PLA2G4A: variants seen among roughly 807,000 people sequenced by gnomAD.
The protein encoded by PLA2G4A is cytosolic phospholipase A2.
PLA2G4A carries 40 observed loss-of-function variants against 81.9 expected under a neutral mutation model. The ratio of observed to expected loss-of-function variants is 0.49; its 90% CI spans 0.38 to 0.64. The LOEUF is 0.64. PLA2G4A is among the 30% of genes least tolerant of loss of function. PLA2G4A has a pLI of 0.00. For synonymous variants in PLA2G4A, 302 were observed against 296.9 expected, an observed-to-expected ratio of 1.02 and a Z score of -0.18; for missense variants, 715 against 905.1, an observed-to-expected ratio of 0.79 and a Z score of 2.69.
chr1:186,918,701 C>T (rs534410035), intron 7 of PLA2G4A, among the ~76,000 whole-genome samples: 6 of 152,346 alleles, frequency 3.9e-5, no homozygotes, highest in East Asian at 3.9e-4. Flanking sequence ...CAGTTATGCT[C>T]GCCCGGGCTC....
intron 7 of PLA2G4A, among the ~76,000 whole-genome samples, chr1:186,919,507 C>T (rs527342297): frequency 1.1e-3 from 175 of 152,266 alleles, no homozygotes; most frequent in Non-Finnish European, 2.0e-3. Flanking sequence ...AGCAGAAGGT[C>T]GTCCACGTAC....
intron 1 of PLA2G4A, among the ~76,000 whole-genome samples, chr1:186,837,877 G>T (rs909956867): frequency 1.3e-5 from 2 of 152,114 alleles, no homozygotes; most frequent in African/African-American, 2.4e-5. Flanking sequence ...CCATGGTGGT[G>T]CCAGGTCTGT....
intron 3 of PLA2G4A, among the ~76,000 whole-genome samples, chr1:186,880,156 G>A (rs915266132): frequency 2.0e-5 from 3 of 151,960 alleles, no homozygotes; most frequent in African/African-American, 7.2e-5. Context: ...GGGGTAAGTG[G>A]GAAGATGAAA....
At chr1:186,977,567 A>G in intron 15 of PLA2G4A, 26 bp from the exon 16 acceptor site, 1 of 1,552,540 alleles carries the variant, frequency 6.4e-7, no homozygotes, top group South Asian at 1.1e-5. Context: ...AAAATTTCCA[A>G]ATTCATCTTT....
In PLA2G4A at chr1:186,870,875, G is replaced by A. The variant is rs554093272; in HGVS notation, c.115+359G>A. 61 of 537,322 alleles carry A rather than the reference G, an allele frequency of 1.1e-4. 1 individual carries two copies. The highest frequency in any genetic ancestry group is 9.2e-4 in the Admixed American group (33 of 35,732). The allele number at this position is 537,322 out of a possible 1,614,324, so 33.3% of individuals were successfully genotyped here. A position where few individuals can be genotyped will look rare whatever the true frequency, so the allele number is the denominator to read the frequency against. On this transcript the variant is annotated intron_variant, in intron 3 of 17. Transcript: ENST00000367466. Reference sequence around the variant, plus strand: ...GTTATGTTTGTCTGGATCTTTGAACGATAACATTTCGAACAGTTCTCTGAT... The same window carrying A: ...GTTATGTTTGTCTGGATCTTTGAACAATAACATTTCGAACAGTTCTCTGAT...
intron 13 of PLA2G4A, among the ~76,000 whole-genome samples, chr1:186,954,579 T>A (rs1253449629): frequency 6.6e-6 from 1 of 152,068 alleles, no homozygotes; most frequent in Non-Finnish European, 1.5e-5. Flanking sequence ...CCTATAATTT[T>A]AAGTGTAATA....
intron 14 of PLA2G4A, 80 bp from the exon 15 acceptor site, chr1:186,965,329 T>C: frequency 1.7e-6 from 2 of 1,150,618 alleles, no homozygotes; most frequent in South Asian, 1.3e-5. Flanking sequence ...TTCTTTCAAA[T>C]TTGAAACCAA....
At chr1:186,909,822 T>G (rs1016545006) in intron 6 of PLA2G4A, among the ~76,000 whole-genome samples, 2 of 152,170 alleles carry the variant, frequency 1.3e-5, no homozygotes, top group African/African-American at 4.8e-5. Flanking sequence ...TTACTTCCCT[T>G]AAGATAGGTT....
chr1:186,965,675 G>A, intron 15 of PLA2G4A, 82 bp downstream of exon 15: 1 of 953,296 alleles, frequency 1.0e-6, no homozygotes, highest in East Asian at 2.4e-5. Flanking sequence ...TTTGACTCCA[G>A]TTTCTTATTC....
intron 7 of PLA2G4A, among the ~76,000 whole-genome samples, chr1:186,917,979 G>A (rs1200555259): frequency 6.6e-6 from 1 of 152,226 alleles, no homozygotes; most frequent in Non-Finnish European, 1.5e-5. Flanking sequence ...CTTGCCCTAG[G>A]TGAGTGGTTT....
chr1:186,857,890 A>G (rs185205077), intron 2 of PLA2G4A, among the ~76,000 whole-genome samples: 86 of 152,138 alleles, frequency 5.7e-4, no homozygotes, highest in Non-Finnish European at 1.2e-3. Flanking sequence ...GCTGACAATG[A>G]TGGTTTCCAG....
chr1:186,888,424 CCTT>C lies in PLA2G4A; in HGVS notation c.116-4583_116-4581del, dbSNP rs76737267. Among the ~76,000 whole-genome samples, 801 of 152,230 alleles carry C rather than the reference CCTT, an allele frequency of 5.3e-3. 26 individuals carry two copies. The East Asian group carries it at 0.089, about 17-fold the overall frequency. On this transcript the variant is annotated intron_variant, in intron 3 of 17. Transcript: ENST00000367466. ...CAAGGAACTTCACTTGCAGCTTGCT[CCTT>C]CTTGTTTGGGCCAAGTAGACCTCAC...
rs1168428917 is a variant in PLA2G4A at position 186,899,130 on chromosome 1, T to C, written c.378+4919T>C. 2.0e-5 allele frequency among the ~76,000 whole-genome samples: 3 copies of C among 152,128 alleles called. No homozygotes were observed. The East Asian group carries it at 5.8e-4, about 29-fold the overall frequency. On this transcript the variant is annotated intron_variant, in intron 5 of 17. Transcript: ENST00000367466. Reference sequence around the variant, plus strand: ...TGCTAACTAAACTAGGGGCAGAGAATGGGGCAGTGTGTATATGTGTGTAAA... The same window carrying C: ...TGCTAACTAAACTAGGGGCAGAGAACGGGGCAGTGTGTATATGTGTGTAAA...
intron 15 of PLA2G4A, among the ~76,000 whole-genome samples, chr1:186,966,487 A>G (rs1485353143): frequency 6.6e-6 from 1 of 152,192 alleles, no homozygotes; most frequent in Non-Finnish European, 1.5e-5. Context: ...GGAAGTATTC[A>G]TGTGATGACT....
intron 7 of PLA2G4A, among the ~76,000 whole-genome samples, chr1:186,921,668 T>C (rs1050091396): frequency 6.6e-6 from 1 of 151,582 alleles, no homozygotes; most frequent in Non-Finnish European, 1.5e-5. Context: ...GCCTCAGGAG[T>C]GGGGAGCCCT....
intron 2 of PLA2G4A, among the ~76,000 whole-genome samples, chr1:186,858,548 T>A (rs1336952379): frequency 6.6e-6 from 1 of 152,150 alleles, no homozygotes; most frequent in East Asian, 1.9e-4. Flanking sequence ...TCCCATTCTG[T>A]AGGTTGCCTG....
At chr1:186,949,312 AAAG>A (rs1411839840) in intron 12 of PLA2G4A, among the ~76,000 whole-genome samples, 12 of 144,002 alleles carry the variant, frequency 8.3e-5, no homozygotes, top group Non-Finnish European at 1.6e-4. Context: ...AAAGAAAGAG[AAAG>A]AAGGAAGGAA....
intron 1 of PLA2G4A, among the ~76,000 whole-genome samples, chr1:186,848,143 C>T (rs902161496): frequency 3.3e-4 from 50 of 152,156 alleles, no homozygotes; most frequent in African/African-American, 1.2e-3. Context: ...AGTAGAGATG[C>T]GTTTGTGCAT....
At chr1:186,979,240 T>C in intron 16 of PLA2G4A, 75 bp from the exon 17 acceptor site, 4 of 1,088,778 alleles carry the variant, frequency 3.7e-6, no homozygotes, top group South Asian at 1.2e-5. Flanking sequence ...TATGTCTGTA[T>C]GTTTTATTCC....
Sources: allele counts gnomAD v4.1 joint callset (sites outside exome capture counted in the v4.1 genomes callset), GRCh38; gene constraint gnomAD v4.1.1; transcripts MANE v1.5; gene names NCBI Gene and HGNC (gene_info 2026-07-23, HGNC 2026-07-21).